Variants in CKAP5 observed in about 807,000 individuals in gnomAD.
The protein encoded by CKAP5 is cytoskeleton-associated protein 5.
CKAP5 carries 27 observed loss-of-function variants against 232.8 expected under a neutral mutation model. That is an observed-to-expected ratio of 0.12 (90% CI 0.09 to 0.16). The LOEUF (loss-of-function observed/expected upper bound fraction) is 0.16. Among genes scored for constraint, CKAP5 ranks in the 10% least tolerant of loss-of-function variants. The pLI is 1.00. For missense variants in CKAP5, 1,838 were observed against 2,424.7 expected (o/e 0.76, Z 5.08); for synonymous variants, 785 against 841.1 (o/e 0.93, Z 1.16).
Position 46,809,739 on chromosome 11 carries a change from T to C in CKAP5, c.763+3A>G. 1 of 1,613,712 alleles carries C rather than the reference T, an allele frequency of 6.2e-7. No homozygotes were observed. On this transcript the variant is annotated splice_donor_region_variant and intron_variant, in intron 6 of 43. Transcript: ENST00000529230. ...CAGAAACCGGTGTTTAAAATTGGCTTACCTCCTTCAGCATCTCCACCAGCA... is the reference window on the plus strand; with the variant it reads ...CAGAAACCGGTGTTTAAAATTGGCTCACCTCCTTCAGCATCTCCACCAGCA...
intron 1 of CKAP5, among the ~76,000 whole-genome samples, chr11:46,835,892 T>C (rs992776912): frequency 6.6e-6 from 1 of 152,224 alleles, no homozygotes; most frequent in African/African-American, 2.4e-5. Context: ...GTGATCATGG[T>C]TAATATCACT....
At chr11:46,807,996 G>T in intron 8 of CKAP5, 35 bp downstream of exon 8, 1 of 1,464,804 alleles carries the variant, frequency 6.8e-7, no homozygotes, top group Non-Finnish European at 9.5e-7. Flanking sequence ...CCTGATGGCT[G>T]TTACAATACC....
At chr11:46,766,913 A>G (rs543892820) in intron 27 of CKAP5, among the ~76,000 whole-genome samples, 1 of 152,334 alleles carries the variant, frequency 6.6e-6, no homozygotes, top group Admixed American at 6.5e-5. Context: ...TAACCGAAAC[A>G]TCTTCTAATA....
At chr11:46,824,864 T>C (rs1939618204) in intron 1 of CKAP5, among the ~76,000 whole-genome samples, 1 of 152,212 alleles carries the variant, frequency 6.6e-6, no homozygotes, top group African/African-American at 2.4e-5. Flanking sequence ...ATTAAGAAGA[T>C]TAATTTGAAC....
Position 46,786,416 on chromosome 11 carries a change from G to T in CKAP5, c.1969-1743C>A, listed in dbSNP as rs552924483. Among the ~76,000 whole-genome samples, 6 of 152,330 alleles carry T rather than the reference G, an allele frequency of 3.9e-5. No homozygotes were observed. The South Asian group carries it at 1.2e-3, about 32-fold the overall frequency. ...AAGTTTTGACCCAAAGTACTGTCTT[G>T]TCTGGCAGCTTCCTAGAAAAGCTCC... On this transcript the variant is annotated intron_variant, in intron 16 of 43. Coordinates refer to ENST00000529230, the MANE Select transcript of CKAP5 (RefSeq NM_001008938.4).
intron 20 of CKAP5, among the ~76,000 whole-genome samples, chr11:46,778,959 C>T (rs2065315237): frequency 6.6e-6 from 1 of 151,970 alleles, no homozygotes; most frequent in African/African-American, 2.4e-5. Context: ...CGTGTAATCC[C>T]AGCTTCCCAG....
chr11:46,771,811 G>T (rs1204141740), intron 24 of CKAP5, among the ~76,000 whole-genome samples: 1 of 152,054 alleles, frequency 6.6e-6, no homozygotes, highest in Non-Finnish European at 1.5e-5. Context: ...GCAATTGCTG[G>T]CTCATATAGT....
rs181999286 is a variant in CKAP5 at position 46,810,262 on chromosome 11, G to A, written c.631-388C>T. Among the ~76,000 whole-genome samples, 451 of 152,178 alleles carry A rather than the reference G, an allele frequency of 3.0e-3. 2 individuals carry two copies. The highest frequency in any genetic ancestry group is 3.4e-3 in the Middle Eastern group (1 of 294). Reference sequence around the variant, plus strand: ...GCTGGGATGACAGGTATAAGCCACCGTGCCTGGCCTCTAATTTCTTATTTA... The same window carrying A: ...GCTGGGATGACAGGTATAAGCCACCATGCCTGGCCTCTAATTTCTTATTTA... On this transcript the variant is annotated intron_variant, in intron 5 of 43. Transcript: ENST00000529230.
Position 46,811,051 on chromosome 11 carries a change from G to C in CKAP5, c.586C>G (p.Arg196Gly), listed in dbSNP as rs755030125. The C allele has an allele frequency of 3.1e-6, 5 of 1,614,010 alleles. No individual in the cohort carries two copies. Among genetic ancestry groups the C allele is most frequent in the Non-Finnish European group, 3.4e-6 (4 of 1,179,964 alleles). The change falls in exon 5 of 44, where the codon CGG (arginine) becomes GGG (glycine). Residue 196 changes from arginine to glycine, a missense_variant. By Grantham distance (125) the Arg-to-Gly change is moderately radical. Around this residue, in one of 6 missense-constraint regions of CKAP5, gnomAD observed 285 missense variants for 300.0 expected, o/e 0.95. Transcript: ENST00000529230. ...TGTAATGGGGGTCTCAGAGCATCCC[G>C]AATCCATCTGTAAATCTCCACAGCA... Reference protein sequence around the residue: ...LIAVEIYRWIRDALRPPLQNI... With the variant: ...LIAVEIYRWIGDALRPPLQNI...
chr11:46,760,297 G>C (rs1373497621), intron 33 of CKAP5: 26 of 454,780 alleles, frequency 5.7e-5, no homozygotes, highest in South Asian at 3.1e-4. Context: ...ATCCAAGTCA[G>C]AAGTTAGAAA....
Position 46,797,688 on chromosome 11 carries a change from C to T in CKAP5, c.1338+117G>A, listed in dbSNP as rs1434060419. ...GTTTCCAAGCTGCAAAGGCTCTGCT[C>T]CTCAAAAGATCATAACCTCTATAGT... On this transcript the variant is annotated intron_variant, in intron 11 of 43. Transcript: ENST00000529230. 3.9e-6 allele frequency: 4 copies of T among 1,017,054 alleles called. No homozygotes were observed. The East Asian group carries it at 9.9e-5, about 25-fold the overall frequency. 63.0% of individuals were successfully genotyped at this position (1,017,054 alleles called of 1,614,324 possible). A position where few individuals can be genotyped will look rare whatever the true frequency, so the allele number is the denominator to read the frequency against.
intron 43 of CKAP5, 47 bp downstream of exon 43, chr11:46,744,379 G>C (rs746600434): frequency 1.2e-6 from 2 of 1,613,570 alleles, no homozygotes; most frequent in Non-Finnish European, 1.7e-6. Flanking sequence ...CCTCGGACCT[G>C]CTTGTGACTA....
At chr11:46,767,529 T>C (rs759169445) in intron 27 of CKAP5, 46 bp downstream of exon 27, 2 of 1,228,250 alleles carry the variant, frequency 1.6e-6, no homozygotes, top group African/African-American at 3.0e-5. Context: ...GTATATAAAA[T>C]ATATTTAAAA....
intron 33 of CKAP5, among the ~76,000 whole-genome samples, chr11:46,759,644 A>G (rs1398823741): frequency 3.3e-5 from 5 of 152,230 alleles, no homozygotes; most frequent in Non-Finnish European, 7.3e-5. Context: ...AAGAGGGCAG[A>G]TAACTTTAAT....
In CKAP5 at chr11:46,752,003, A is replaced by G. The variant is rs1000908093; in HGVS notation, c.5134-469T>C. ...GGCTGTAGATATCTTTTTCCCCAAA[A>G]TAAATGAAATCTGTTTCAAACTTCT... On this transcript the variant is annotated intron_variant, in intron 38 of 43. Transcript: ENST00000529230. Among the ~76,000 whole-genome samples, 3 of 151,826 alleles carry G rather than the reference A, an allele frequency of 2.0e-5. 1 individual carries two copies. In the South Asian group the frequency reaches 6.2e-4, roughly 31 times the overall value.
chr11:46,820,299 TA>T (rs561756571), intron 2 of CKAP5, among the ~76,000 whole-genome samples: 96 of 152,316 alleles, frequency 6.3e-4, no homozygotes, highest in African/African-American at 2.3e-3. Flanking sequence ...TGATTTTTGA[TA>T]CAGTATTCGG....
chr11:46,829,691 C>T (rs1319232924), intron 1 of CKAP5, among the ~76,000 whole-genome samples: 2 of 152,078 alleles, frequency 1.3e-5, no homozygotes, highest in East Asian at 3.8e-4. Flanking sequence ...TTGGGGGTGT[C>T]TAAAATTATA....
At chr11:46,806,902 TAAACA>T (rs1174306712) in intron 8 of CKAP5, among the ~76,000 whole-genome samples, 1 of 152,226 alleles carries the variant, frequency 6.6e-6, no homozygotes, top group Non-Finnish European at 1.5e-5. Context: ...TTTTACACTA[TAAACA>T]AGTGTCTTTT....
chr11:46,760,344 G>A, intron 33 of CKAP5: 1 of 598,200 alleles, frequency 1.7e-6, no homozygotes, highest in South Asian at 1.6e-5. Flanking sequence ...TTAGCAGGCA[G>A]TACTTACATC....
Sources: gnomAD v4.1 joint callset for allele counts (sites outside exome capture counted in the v4.1 genomes callset) on GRCh38, gnomAD v4.1.1 for gene constraint, gnomAD v4.1.1 regional missense constraint, MANE v1.5 for transcripts, NCBI Gene and HGNC (gene_info 2026-07-23, HGNC 2026-07-21) for gene names.